SIPA1L3: variants seen among roughly 807,000 people sequenced by gnomAD.
SIPA1L3 encodes signal induced proliferation associated 1 like 3.
SIPA1L3 carries 59 observed loss-of-function variants against 150.1 expected under a neutral mutation model. The ratio of observed to expected loss-of-function variants is 0.39; its 90% confidence interval spans 0.32 to 0.49. SIPA1L3 has a LOEUF of 0.49. Ranked by LOEUF, SIPA1L3 falls within the 20% of genes least tolerant of loss-of-function variation. The pLI is 0.86. For synonymous variants in SIPA1L3, 1,070 were observed against 1,077.6 expected, an observed-to-expected ratio of 0.99 and a Z score of 0.14; for missense variants, 2,211 against 2,489.5, an observed-to-expected ratio of 0.89 and a Z score of 2.38.
intron 10 of SIPA1L3, among the ~76,000 whole-genome samples, chr19:38,137,351 G>C (rs959639160): frequency 5.9e-5 from 9 of 152,062 alleles, no homozygotes; most frequent in African/African-American, 2.2e-4. Flanking sequence ...ACCATGCCTG[G>C]CTAATTTTTG....
At chr19:38,151,519 T>C (rs952287089) in intron 12 of SIPA1L3, among the ~76,000 whole-genome samples, 1 of 151,996 alleles carries the variant, frequency 6.6e-6, no homozygotes, top group Non-Finnish European at 1.5e-5. Flanking sequence ...ATAACTCACC[T>C]CCCTTCGTGT....
intron 10 of SIPA1L3, among the ~76,000 whole-genome samples, chr19:38,140,917 G>A (rs551266361): frequency 6.6e-6 from 1 of 151,960 alleles, no homozygotes; most frequent in South Asian, 2.1e-4. Flanking sequence ...ACTTAGCCGG[G>A]CGTAGTGGCG....
chr19:38,091,612 G>T (rs924933306), intron 4 of SIPA1L3, among the ~76,000 whole-genome samples: 3 of 152,164 alleles, frequency 2.0e-5, no homozygotes, highest in African/African-American at 4.8e-5. Flanking sequence ...ACCCTCCAGG[G>T]AGTGGCAGGG....
At chr19:37,992,245 C>T (rs1457634984) in intron 1 of SIPA1L3, among the ~76,000 whole-genome samples, 1 of 152,226 alleles carries the variant, frequency 6.6e-6, no homozygotes, top group African/African-American at 2.4e-5. Flanking sequence ...AGCACAGGCC[C>T]TGGCACTCAA....
At chr19:37,916,728 C>T (rs909302017) in intron 1 of SIPA1L3, among the ~76,000 whole-genome samples, 8 of 151,894 alleles carry the variant, frequency 5.3e-5, no homozygotes, top group African/African-American at 7.3e-5. Context: ...GGGAGGCTGA[C>T]GCGGGTGGAT....
At chr19:38,062,643 C>G (rs991341348) in intron 2 of SIPA1L3, among the ~76,000 whole-genome samples, 16 of 151,770 alleles carry the variant, frequency 1.1e-4, no homozygotes, top group Non-Finnish European at 1.9e-4. Flanking sequence ...GAGAAAGAGT[C>G]TCACTCTGTT....
chr19:38,207,050 G>A lies in SIPA1L3; in HGVS notation c.*810G>A, dbSNP rs913202953. 6.6e-6 allele frequency: 1 copy of A among 152,148 alleles called. No homozygotes were observed. Among genetic ancestry groups the A allele is most frequent in the African/African-American group, 2.4e-5 (1 of 41,426 alleles). 9.4% of individuals were successfully genotyped at this position (152,148 alleles called of 1,614,324 possible). On this transcript the variant is annotated 3_prime_UTR_variant, in exon 22 of 22. Coordinates refer to ENST00000222345, the MANE Select transcript of SIPA1L3 (RefSeq NM_015073.3). ...GCCCCTCCACCTTCCAGCTAACCAG[G>A]CCAGGCCGGGGCGGTGGAGCCACCA...
At chr19:38,054,892 C>G (rs1418502771) in intron 2 of SIPA1L3, among the ~76,000 whole-genome samples, 1 of 152,204 alleles carries the variant, frequency 6.6e-6, no homozygotes, top group Non-Finnish European at 1.5e-5. Flanking sequence ...TTGGTGATAG[C>G]AGGTGAACGG....
chr19:38,145,337 G>A (rs1971679504), intron 12 of SIPA1L3, among the ~76,000 whole-genome samples: 1 of 151,948 alleles, frequency 6.6e-6, no homozygotes, highest in South Asian at 2.1e-4. Context: ...TTCGAGACCA[G>A]CCTGGCCAAC....
intron 4 of SIPA1L3, among the ~76,000 whole-genome samples, chr19:38,094,941 C>G (rs1396953785): frequency 6.6e-6 from 1 of 152,062 alleles, no homozygotes; most frequent in Non-Finnish European, 1.5e-5. Context: ...GTGGCACACA[C>G]CTGTAATCCC....
At chr19:37,965,463 G>A (rs372119006) in intron 1 of SIPA1L3, among the ~76,000 whole-genome samples, 30 of 151,880 alleles carry the variant, frequency 2.0e-4, no homozygotes, top group South Asian at 1.5e-3. Flanking sequence ...TTACAGGCGC[G>A]TGCCACCATG....
chr19:38,017,202 T>A (rs1968256416), intron 1 of SIPA1L3, among the ~76,000 whole-genome samples: 1 of 152,156 alleles, frequency 6.6e-6, no homozygotes, highest in Admixed American at 6.6e-5. Context: ...CAACTTCGTG[T>A]CTTTATTGAA....
At chr19:38,162,178 GGC>G in intron 13 of SIPA1L3, 73 bp from the exon 14 acceptor site, 4 of 1,163,384 alleles carry the variant, frequency 3.4e-6, no homozygotes, top group African/African-American at 3.0e-5. Flanking sequence ...CAGACAGTCT[GGC>G]AAAGGGTCCA....
At chr19:37,941,751 G>A (rs80153598) in intron 1 of SIPA1L3, among the ~76,000 whole-genome samples, 5,683 of 152,234 alleles carry the variant, frequency 0.037, 151 homozygotes, top group Non-Finnish European at 0.054. Flanking sequence ...CCTGCTCTAC[G>A]CCAAGGAATT....
intron 1 of SIPA1L3, among the ~76,000 whole-genome samples, chr19:37,966,295 G>T (rs1026025002): frequency 6.6e-5 from 10 of 152,206 alleles, no homozygotes; most frequent in African/African-American, 2.4e-4. Flanking sequence ...TCGGGCACCT[G>T]CCAGCCACAC....
At chr19:37,977,696 C>T (rs1404663078) in intron 1 of SIPA1L3, among the ~76,000 whole-genome samples, 6 of 152,234 alleles carry the variant, frequency 3.9e-5, no homozygotes, top group South Asian at 2.1e-4. Flanking sequence ...AGGTCCAGAG[C>T]GCCCGTGTCC....
At chr19:38,098,277 G>A (rs1970423796) in intron 4 of SIPA1L3, among the ~76,000 whole-genome samples, 1 of 152,044 alleles carries the variant, frequency 6.6e-6, no homozygotes, top group African/African-American at 2.4e-5. Flanking sequence ...TAACTTCTGT[G>A]ACTTTTTGTT....
intron 1 of SIPA1L3, among the ~76,000 whole-genome samples, chr19:37,962,325 C>G (rs1033695360): frequency 6.6e-6 from 1 of 151,846 alleles, no homozygotes; most frequent in African/African-American, 2.4e-5. Flanking sequence ...TGTATTTTTA[C>G]TAGAGATGGG....
chr19:38,029,787 T>TG (rs1222155272), intron 2 of SIPA1L3, among the ~76,000 whole-genome samples: 1 of 151,258 alleles, frequency 6.6e-6, no homozygotes, highest in East Asian at 1.9e-4. Context: ...TTAGTAGAGG[T>TG]GGGGTTTCTC....
Sources: gnomAD v4.1 joint callset for allele counts (sites outside exome capture counted in the v4.1 genomes callset) on GRCh38, gnomAD v4.1.1 for gene constraint, MANE v1.5 for transcripts, NCBI Gene and HGNC (gene_info 2026-07-23, HGNC 2026-07-21) for gene names.